The following TTC7A variants were observed in gnomAD, a reference collection of about 807,000 sequenced individuals.
The protein encoded by TTC7A is tetratricopeptide repeat domain 7A.
In TTC7A, 110 loss-of-function variants were observed where a neutral mutation model predicts 103.7. That is an observed-to-expected ratio of 1.06 (90% CI 0.91 to 1.24). The LOEUF (loss-of-function observed/expected upper bound fraction) is 1.24, where lower values mean the gene tolerates loss of function less well. Ranked by LOEUF, TTC7A falls within the 50% of genes most tolerant of loss-of-function variation. TTC7A has a pLI of 0.00. For synonymous variants in TTC7A, 521 were observed against 467.9 expected, an observed-to-expected ratio of 1.11 and a Z score of -1.47; for missense variants, 1,340 against 1,116.3, an observed-to-expected ratio of 1.20 and a Z score of -2.86.
Position 47,006,060 on chromosome 2 carries a change from G to T in TTC7A, c.1203+1G>T, listed in dbSNP as rs757303869. On this transcript the variant is annotated splice_donor_variant, in intron 9 of 19. Transcript: ENST00000319190. LOFTEE classifies it high-confidence loss of function. Reference sequence around the variant, plus strand: ...GGGACAGTACGTCATGCTCTCGGAGGTACGGCCGGCCATGCAGCCCACCCC... The same window carrying T: ...GGGACAGTACGTCATGCTCTCGGAGTTACGGCCGGCCATGCAGCCCACCCC... 5 of 1,612,524 alleles carry T rather than the reference G, an allele frequency of 3.1e-6. No individual in the cohort carries two copies. Among genetic ancestry groups the T allele is most frequent in the Non-Finnish European group, 4.2e-6 (5 of 1,179,436 alleles).
At chr2:46,945,379 A>G (rs1670842340) in intron 1 of TTC7A, among the ~76,000 whole-genome samples, 1 of 152,064 alleles carries the variant, frequency 6.6e-6, no homozygotes. Context: ...CAGCCTCCCA[A>G]GTAGCTGGGA....
At chr2:47,024,649 A>G (rs1212971607) in intron 14 of TTC7A, among the ~76,000 whole-genome samples, 1 of 152,016 alleles carries the variant, frequency 6.6e-6, no homozygotes, top group African/African-American at 2.4e-5. Flanking sequence ...CCTGTCACTC[A>G]TTTATTTGTG....
Position 47,023,458 on chromosome 2 carries a change from C to T in TTC7A, c.1561C>T (p.Leu521=). 1.2e-6 allele frequency: 2 copies of T among 1,614,126 alleles called. No homozygotes were observed. Among genetic ancestry groups the T allele is most frequent in the Admixed American group, 1.7e-5 (1 of 60,034 alleles). The change falls in exon 13 of 20, where the codon CTG becomes TTG. Residue 521 remains leucine (L), a synonymous_variant. Transcript: ENST00000319190. ...DELHRKALQT[L]ERAQQLAPSD... is the part of the protein sequence containing the mutation. ...ATTGCACCGGAAGGCACTGCAGACG[C>T]TGGAGAGGTGAGGAGGCTCCCACCT...
At chr2:47,057,088 A>T (rs1003158481) in intron 18 of TTC7A, among the ~76,000 whole-genome samples, 4 of 152,230 alleles carry the variant, frequency 2.6e-5, no homozygotes, top group African/African-American at 9.6e-5. Flanking sequence ...GGGCTACTGC[A>T]GCTATCTGAC....
intron 16 of TTC7A, chr2:47,047,280 C>T: frequency 6.5e-7 from 1 of 1,548,964 alleles, no homozygotes; most frequent in Non-Finnish European, 8.7e-7. Flanking sequence ...TTTAGGAGCC[C>T]AGAAGGCTTC....
chr2:46,930,395 A>G (rs1669628482), intron 2 of TTC7A, among the ~76,000 whole-genome samples: 1 of 151,260 alleles, frequency 6.6e-6, no homozygotes, highest in Non-Finnish European at 1.5e-5. Flanking sequence ...AATTAACTTC[A>G]TGCCTAAAAT....
At chr2:46,962,538 A>C (rs1304112270) in intron 3 of TTC7A, among the ~76,000 whole-genome samples, 1 of 152,180 alleles carries the variant, frequency 6.6e-6, no homozygotes, top group African/African-American at 2.4e-5. Context: ...CCTTTGAGGG[A>C]GTGGCAGGTG....
intron 16 of TTC7A, chr2:47,047,268 A>C (rs1355284182): frequency 1.3e-6 from 2 of 1,545,850 alleles, no homozygotes; most frequent in South Asian, 1.2e-5. Flanking sequence ...TTTCACAGAG[A>C]CTTTAGGAGC....
intron 13 of TTC7A, 34 bp from the exon 14 acceptor site, chr2:47,024,253 G>T: frequency 6.4e-7 from 1 of 1,567,348 alleles, no homozygotes; most frequent in Middle Eastern, 1.7e-4. Flanking sequence ...CTCAACCCCT[G>T]GTGCCTGACT....
chr2:47,049,480 C>T (rs1028355190), intron 16 of TTC7A, among the ~76,000 whole-genome samples: 4 of 151,994 alleles, frequency 2.6e-5, no homozygotes, highest in African/African-American at 9.7e-5. Flanking sequence ...CTTCTGGGGA[C>T]CCCCTGGCAG....
intron 6 of TTC7A, 127 bp from the exon 7 acceptor site, chr2:46,994,230 A>G (rs1675916899): frequency 7.0e-6 from 8 of 1,136,030 alleles, no homozygotes; most frequent in Non-Finnish European, 9.9e-6. Context: ...GGGGTTGGGG[A>G]GTTTACCCAA....
intron 11 of TTC7A, among the ~76,000 whole-genome samples, chr2:47,020,080 G>A (rs965535144): frequency 5.3e-5 from 8 of 152,170 alleles, no homozygotes; most frequent in Non-Finnish European, 1.0e-4. Context: ...CCAGGTGTGT[G>A]CCTCCTGTGT....
At chr2:46,921,049 C>T (rs1361501882) in intron 2 of TTC7A, among the ~76,000 whole-genome samples, 1 of 151,480 alleles carries the variant, frequency 6.6e-6, no homozygotes, top group African/African-American at 2.4e-5. Context: ...TGTTAAAAAC[C>T]CACAGTTAAT....
intron 3 of TTC7A, among the ~76,000 whole-genome samples, chr2:46,961,526 G>C (rs550689305): frequency 1.4e-3 from 210 of 151,530 alleles, no homozygotes; most frequent in Non-Finnish European, 2.4e-3. Context: ...GCAGTGAGCC[G>C]AGATCGCACC....
At chr2:46,966,107 G>A (rs1048659248) in intron 3 of TTC7A, among the ~76,000 whole-genome samples, 7 of 151,804 alleles carry the variant, frequency 4.6e-5, no homozygotes, top group East Asian at 1.9e-4. Flanking sequence ...GCGCCACCAC[G>A]CCTGGCTAAT....
intron 3 of TTC7A, among the ~76,000 whole-genome samples, chr2:46,967,886 G>A (rs967645589): frequency 6.6e-6 from 1 of 152,040 alleles, no homozygotes; most frequent in East Asian, 1.9e-4. Flanking sequence ...TTCCCCCCGA[G>A]AGCTGAATGA....
intron 19 of TTC7A, among the ~76,000 whole-genome samples, chr2:47,063,309 TGTGCA>T (rs1683937129): frequency 6.6e-6 from 1 of 152,244 alleles, no homozygotes; most frequent in African/African-American, 2.4e-5. Context: ...AGTGTAAATA[TGTGCA>T]GTGCAATCCC....
intron 15 of TTC7A, among the ~76,000 whole-genome samples, chr2:47,036,844 C>A (rs1170630328): frequency 2.0e-5 from 3 of 152,222 alleles, no homozygotes; most frequent in African/African-American, 4.8e-5. Flanking sequence ...GGTGACAGAA[C>A]TGTCTCTTTA....
chr2:46,958,859 T>C (rs1335908970), intron 3 of TTC7A, among the ~76,000 whole-genome samples: 1 of 152,178 alleles, frequency 6.6e-6, no homozygotes, highest in Non-Finnish European at 1.5e-5. Flanking sequence ...ACGCTGGTCA[T>C]TGGTCCTGAC....
Sources: gnomAD v4.1 joint callset for allele counts (sites outside exome capture counted in the v4.1 genomes callset) on GRCh38, gnomAD v4.1.1 for gene constraint, MANE v1.5 for transcripts, NCBI Gene and HGNC (gene_info 2026-07-23, HGNC 2026-07-21) for gene names.